KHDRBS2: variants seen among roughly 807,000 people sequenced by gnomAD.
The protein encoded by KHDRBS2 is KH domain-containing, RNA-binding, signal transduction-associated protein 2.
In KHDRBS2, 26 loss-of-function variants were observed where a neutral mutation model predicts 44.3. The observed-to-expected ratio is 0.59, with a 90% CI of 0.43 to 0.81. KHDRBS2 has a LOEUF of 0.81. Ranked by LOEUF, KHDRBS2 falls within the 40% of genes least tolerant of loss-of-function variation. The pLI, the probability that KHDRBS2 is intolerant of heterozygous loss-of-function variation, is 0.00. For synonymous variants in KHDRBS2, 194 were observed against 151.1 expected (o/e 1.28, Z -2.08); for missense variants, 476 against 433.1 (o/e 1.10, Z -0.88).
At chr6:61,662,146 G>A in the KHDRBS2 span, among the ~76,000 whole-genome samples, 4 of 152,144 alleles carry the variant, frequency 2.6e-5, no homozygotes, top group East Asian at 7.7e-4. Flanking sequence ...AAGCAATGGG[G>A]AAAGGATTCC....
intron 3 of KHDRBS2, among the ~76,000 whole-genome samples, chr6:62,006,739 T>C (rs1779303081): frequency 6.6e-6 from 1 of 151,834 alleles, no homozygotes; most frequent in Non-Finnish European, 1.5e-5. Context: ...TTCAAACATA[T>C]ATACAGAAAA....
At chr6:61,696,091 C>G (rs1395917198) in intron 8 of KHDRBS2, among the ~76,000 whole-genome samples, 1 of 151,870 alleles carries the variant, frequency 6.6e-6, no homozygotes, top group Non-Finnish European at 1.5e-5. Flanking sequence ...AGGCAATCCT[C>G]CTGTCTCAGC....
intron 2 of KHDRBS2, among the ~76,000 whole-genome samples, chr6:62,151,995 C>A (rs1815297076): frequency 6.6e-6 from 1 of 152,094 alleles, no homozygotes; most frequent in Non-Finnish European, 1.5e-5. Flanking sequence ...TTTCTCCATA[C>A]CTTAGTGTTT....
At chr6:61,918,897 G>A (rs1329026235) in intron 4 of KHDRBS2, among the ~76,000 whole-genome samples, 3 of 151,896 alleles carry the variant, frequency 2.0e-5, no homozygotes, top group Non-Finnish European at 4.4e-5. Flanking sequence ...AGATAAATTA[G>A]ATAGGCTGCT....
At chr6:62,181,028 A>C (rs1453996784) in intron 1 of KHDRBS2, among the ~76,000 whole-genome samples, 1 of 7,750 alleles carries the variant, frequency 1.3e-4, no homozygotes, top group Non-Finnish European at 2.3e-4. Context: ...ACACTGCACA[A>C]AAAAAAAAAA....
intron 2 of KHDRBS2, among the ~76,000 whole-genome samples, chr6:62,121,668 T>G (rs183493878): frequency 6.6e-6 from 1 of 152,322 alleles, no homozygotes; most frequent in Admixed American, 6.5e-5. Flanking sequence ...TCTCCCCGGC[T>G]TTGTGCCAGA....
chr6:62,031,473 T>C (rs1562682510), intron 3 of KHDRBS2, among the ~76,000 whole-genome samples: 1 of 152,058 alleles, frequency 6.6e-6, no homozygotes, highest in East Asian at 1.9e-4. Context: ...ACTTGAATCT[T>C]AACATGGCAT....
chr6:61,622,121 A>G, the KHDRBS2 span, among the ~76,000 whole-genome samples: 2 of 152,222 alleles, frequency 1.3e-5, no homozygotes, highest in African/African-American at 4.8e-5. Flanking sequence ...AAGATAATAA[A>G]TGTGCATTAA....
chr6:62,118,829 G>A (rs1284362178), intron 2 of KHDRBS2, among the ~76,000 whole-genome samples: 1 of 152,190 alleles, frequency 6.6e-6, no homozygotes, highest in Non-Finnish European at 1.5e-5. Flanking sequence ...TAATTTTCCA[G>A]GGGCTATGAG....
At chr6:61,962,138 G>T (rs1481621282) in intron 4 of KHDRBS2, among the ~76,000 whole-genome samples, 1 of 152,066 alleles carries the variant, frequency 6.6e-6, no homozygotes, top group African/African-American at 2.4e-5. Flanking sequence ...AGCTTTGATA[G>T]AAATTGGGCA....
intron 6 of KHDRBS2, among the ~76,000 whole-genome samples, chr6:61,781,417 TTTTGAAAATCACATTGTGTAG>T (rs1454705710): frequency 1.3e-5 from 2 of 152,158 alleles, no homozygotes; most frequent in African/African-American, 4.8e-5. Context: ...AGAAATTTGT[TTTTGAAAATCACATTGTGTAG>T]ACAACTCCAT....
chr6:62,022,441 C>T (rs960788543), intron 3 of KHDRBS2, among the ~76,000 whole-genome samples: 1 of 151,646 alleles, frequency 6.6e-6, no homozygotes, highest in Admixed American at 6.6e-5. Flanking sequence ...TTCTGTGTTT[C>T]AATTTCTCAG....
At chr6:61,545,589 A>G in the KHDRBS2 span, among the ~76,000 whole-genome samples, 2 of 151,800 alleles carry the variant, frequency 1.3e-5, no homozygotes, top group Non-Finnish European at 2.9e-5. Context: ...TTCATGCTCA[A>G]AAACAGTATA....
At chr6:61,833,750 T>C (rs1431760479) in intron 6 of KHDRBS2, among the ~76,000 whole-genome samples, 2 of 152,162 alleles carry the variant, frequency 1.3e-5, no homozygotes, top group African/African-American at 4.8e-5. Context: ...CTTGTGCCCA[T>C]ATTCTCTTTT....
At chr6:62,161,848 T>C (rs879036373) in intron 2 of KHDRBS2, among the ~76,000 whole-genome samples, 3 of 152,074 alleles carry the variant, frequency 2.0e-5, no homozygotes, top group African/African-American at 7.2e-5. Context: ...CTCAAAATTA[T>C]AACACTCTAA....
At chr6:61,663,888 G>C in the KHDRBS2 span, among the ~76,000 whole-genome samples, 4 of 151,510 alleles carry the variant, frequency 2.6e-5, no homozygotes, top group African/African-American at 9.7e-5. Context: ...TTATCAGTTA[G>C]GGAGTAAAGA....
At chr6:62,169,177 A>ATACATATACATATATGTATATGTG (rs1562992051) in intron 2 of KHDRBS2, among the ~76,000 whole-genome samples, 5 of 136,080 alleles carry the variant, frequency 3.7e-5, no homozygotes, top group African/African-American at 1.4e-4. Context: ...ATATGTATAT[A>ATACATATACATATATGTATATGTG]TGTATATATA....
chr6:61,621,477 T>C, the KHDRBS2 span, among the ~76,000 whole-genome samples: 1 of 152,146 alleles, frequency 6.6e-6, no homozygotes, highest in East Asian at 1.9e-4. Context: ...CTGACACAGC[T>C]GAGTAGCAGG....
At chr6:62,218,705 A>C (rs1830414984) in intron 1 of KHDRBS2, among the ~76,000 whole-genome samples, 1 of 151,950 alleles carries the variant, frequency 6.6e-6, no homozygotes, top group Non-Finnish European at 1.5e-5. Flanking sequence ...TTTTATCAAA[A>C]TAAGTATCTT....
Sources: gnomAD v4.1 joint callset for allele counts (sites outside exome capture counted in the v4.1 genomes callset) on GRCh38, gnomAD v4.1.1 for gene constraint, MANE v1.5 for transcripts, NCBI Gene and HGNC (gene_info 2026-07-23, HGNC 2026-07-21) for gene names.